IVNS1ABP: variants seen among roughly 807,000 people sequenced by gnomAD.
The protein encoded by IVNS1ABP is influenza virus NS1A-binding protein.
Under a neutral mutation model 78.9 loss-of-function variants are expected in IVNS1ABP, and 25 were observed. The observed-to-expected ratio is 0.32, with a 90% CI of 0.23 to 0.44. The LOEUF (loss-of-function observed/expected upper bound fraction) is 0.44. IVNS1ABP is among the 20% of genes least tolerant of loss of function. The pLI is 1.00. For synonymous variants in IVNS1ABP, 241 were observed against 259.7 expected (o/e 0.93, Z 0.69); for missense variants, 494 against 768.9 (o/e 0.64, Z 4.23).
intron 5 of IVNS1ABP, 109 bp downstream of exon 5, chr1:185,308,691 G>A (rs1665805743): frequency 2.6e-6 from 2 of 772,594 alleles, no homozygotes; most frequent in East Asian, 4.9e-5. Context: ...GGGAAAAAAG[G>A]GACATGTTCA....
intron 3 of IVNS1ABP, 102 bp from the exon 4 acceptor site, chr1:185,309,274 T>C: frequency 4.1e-6 from 5 of 1,231,012 alleles, no homozygotes; most frequent in Non-Finnish European, 5.6e-6. Context: ...CAGTATTCTT[T>C]TAAAAAATCA....
At chr1:185,314,538 C>T (rs962671345) in intron 1 of IVNS1ABP, among the ~76,000 whole-genome samples, 1 of 152,002 alleles carries the variant, frequency 6.6e-6, no homozygotes, top group African/African-American at 2.4e-5. Flanking sequence ...TAATAGTGGG[C>T]GAGGAAGTAA....
chr1:185,317,018 G>A lies in IVNS1ABP; in HGVS notation c.-312C>T, dbSNP rs1666053116. On this transcript the variant is annotated 5_prime_UTR_variant, in exon 1 of 15. Coordinates refer to ENST00000367498, the MANE Select transcript of IVNS1ABP (RefSeq NM_006469.5). ...GCTTCGATGGGAAGCAGGAGGAAGC[G>A]GGCGGGAATCGGCCCAACGGAAAGC... 4 of 398,842 alleles carry A rather than the reference G, an allele frequency of 1.0e-5. No homozygotes were observed. Among genetic ancestry groups the A allele is most frequent in the Admixed American group, 4.4e-5 (1 of 22,720 alleles). The allele number at this position is 398,842 out of a possible 1,614,324, so 24.7% of individuals were successfully genotyped here.
intron 1 of IVNS1ABP, among the ~76,000 whole-genome samples, chr1:185,315,516 C>G (rs1188399767): frequency 1.3e-5 from 2 of 152,172 alleles, no homozygotes; most frequent in African/African-American, 4.8e-5. Context: ...GTCAGTGGCT[C>G]AAGTTCCGTT....
Position 185,307,088 on chromosome 1 carries a change from A to G in IVNS1ABP, c.583T>C (p.Tyr195His), listed in dbSNP as rs769007217. The G allele has an allele frequency of 3.1e-6, 5 of 1,613,512 alleles. No homozygotes were observed. The highest frequency in any genetic ancestry group is 4.2e-6 in the Non-Finnish European group (5 of 1,179,502). ...TGCACCCAGTTGATTACCTTTGTAT[A>G]TAATTTGCCATTGCTGGGCAAGCAA... ...NVCLPSNGKL[Y>H]TKVINWVQRS... Residue 195 changes from tyrosine to histidine, a missense_variant, in exon 7 of 15, where the codon TAT (tyrosine) becomes CAT (histidine). Coordinates refer to ENST00000367498, the MANE Select transcript of IVNS1ABP (RefSeq NM_006469.5).
chr1:185,307,068 C>T lies in IVNS1ABP; in HGVS notation c.603G>A (p.Trp201Ter). 1 of 1,613,498 alleles carries T rather than the reference C, an allele frequency of 6.2e-7. No individual in the cohort carries two copies. Among genetic ancestry groups the T allele is most frequent in the Non-Finnish European group, 8.5e-7 (1 of 1,179,520 alleles). ...NGKLYTKVIN[W>*]VQRSIWENGD... ...CATTCTCCCAGATGCTACGCTGCAC[C>T]CAGTTGATTACCTTTGTATATAATT... Residue 201 changes from tryptophan to a stop codon, truncating the protein, a stop_gained, in exon 7 of 15, where the codon TGG becomes TGA. Coordinates refer to ENST00000367498, the MANE Select transcript of IVNS1ABP (RefSeq NM_006469.5). LOFTEE classifies it high-confidence loss of function.
At chr1:185,299,627 T>C in intron 14 of IVNS1ABP, 83 bp downstream of exon 14, 4 of 1,252,466 alleles carry the variant, frequency 3.2e-6, no homozygotes, top group Middle Eastern at 1.9e-4. Context: ...TGTACAACTA[T>C]AGTCATTGGC....
At chr1:185,307,706 A>G (rs750356839) in intron 5 of IVNS1ABP, 44 bp from the exon 6 acceptor site, 92 of 1,552,602 alleles carry the variant, frequency 5.9e-5, no homozygotes, top group Non-Finnish European at 7.9e-5. Flanking sequence ...CATATCTTTT[A>G]TTCAACAAAT....
intron 8 of IVNS1ABP, among the ~76,000 whole-genome samples, chr1:185,302,858 A>T (rs1478304213): frequency 6.6e-6 from 1 of 152,104 alleles, no homozygotes. Context: ...CCAAGGCAAT[A>T]CAACTAAAAT....
Position 185,305,620 on chromosome 1 carries a change from A to G in IVNS1ABP, c.681T>C (p.Ala227=). Residue 227 remains alanine, a synonymous_variant, in exon 8 of 15, where the codon GCT becomes GCC. Transcript: ENST00000367498. This position sits in a 1 kb window ranked among gnomAD's most constrained non-coding sequence, Gnocchi z 4.0. The part of the protein sequence containing the change: ...MEEVQTLYYS[A]DHKLLDGNLL... ...GGTTCCCATCAAGCAGCTTGTGATC[A>G]GCTGAGTAGTACAAGGTTTGAACCT... The G allele has an allele frequency of 1.2e-6, 2 of 1,613,284 alleles. No individual in the cohort carries two copies. The highest frequency in any genetic ancestry group is 1.1e-5 in the South Asian group (1 of 91,066).
intron 7 of IVNS1ABP, chr1:185,306,296 G>A (rs538281341): frequency 1.6e-5 from 5 of 304,808 alleles, no homozygotes; most frequent in East Asian, 1.3e-4. Flanking sequence ...AGGTTTAAGT[G>A]GAGAGAGAAA....
Position 185,298,275 on chromosome 1 carries a change from TACAA to T in IVNS1ABP, c.1685_1688del (p.Phe562TyrfsTer26), listed in dbSNP as rs1665475794. Reference sequence around the variant, plus strand: ...CATGAGAACCATCAAAGCCACCACATACAAACAGTTTTCCTAAAAGAGAAATGAG... The same window carrying T: ...CATGAGAACCATCAAAGCCACCACATACAGTTTTCCTAAAAGAGAAATGAG... On this transcript the variant is annotated frameshift_variant, in exon 15 of 15. Transcript: ENST00000367498. LOFTEE classifies it high-confidence loss of function. This position sits in a 1 kb window ranked among gnomAD's most constrained non-coding sequence, Gnocchi z 4.1. The T allele has an allele frequency of 1.2e-6, 2 of 1,613,070 alleles. No individual in the cohort carries two copies. The highest frequency in any genetic ancestry group is 1.7e-6 in the Non-Finnish European group (2 of 1,179,440).
At chr1:185,308,920 C>G in intron 4 of IVNS1ABP, 45 bp from the exon 5 acceptor site, 1 of 1,575,516 alleles carries the variant, frequency 6.3e-7, no homozygotes, top group East Asian at 2.2e-5. Context: ...CCTTAAAACA[C>G]ACTTAATTTA....
rs567507565 is a variant in IVNS1ABP at position 185,301,697 on chromosome 1, A to G, written c.766-134T>C. ...TTTATAGGACACTAACTTTAACTCA[A>G]GCCAACACTTTCCAAATGACACAAA... On this transcript the variant is annotated intron_variant, in intron 8 of 14. Coordinates refer to ENST00000367498, the MANE Select transcript of IVNS1ABP (RefSeq NM_006469.5). The G allele has an allele frequency of 2.9e-5, 26 of 901,094 alleles. No individual in the cohort carries two copies. In the Admixed American group the frequency reaches 6.3e-4, roughly 22 times the overall value. The allele number at this position is 901,094 out of a possible 1,614,324, so 55.8% of individuals were successfully genotyped here.
chr1:185,306,893 C>A, intron 7 of IVNS1ABP, 121 bp downstream of exon 7: 1 of 1,111,412 alleles, frequency 9.0e-7, no homozygotes, highest in Non-Finnish European at 1.3e-6. Context: ...CTTAGGGGTA[C>A]CTATAGCAAA....
intron 7 of IVNS1ABP, 29 bp downstream of exon 7, chr1:185,306,985 G>A (rs756416680): frequency 6.2e-7 from 1 of 1,604,996 alleles, no homozygotes; most frequent in Non-Finnish European, 8.5e-7. Flanking sequence ...TTTTAAAAAT[G>A]GTTGAATCCC....
intron 8 of IVNS1ABP, among the ~76,000 whole-genome samples, chr1:185,302,826 A>T (rs974994141): frequency 6.6e-6 from 1 of 152,082 alleles, no homozygotes; most frequent in Admixed American, 6.6e-5. Flanking sequence ...AAAATATTGA[A>T]ACTCAAGAAG....
Position 185,307,571 on chromosome 1 carries a change from A to G in IVNS1ABP, c.449T>C (p.Leu150Ser), listed in dbSNP as rs575691724. Residue 150 changes from leucine (L) to serine (S), a missense_variant, in exon 6 of 15, where the codon TTG (leucine) becomes TCG (serine). By Grantham distance (145) the Leu-to-Ser change is moderately radical. Coordinates refer to ENST00000367498, the MANE Select transcript of IVNS1ABP (RefSeq NM_006469.5). ...FASCMGDSRL[L>S]NKVDAYIQEH... is the part of the protein sequence containing the mutation. The stretch of plus-strand genomic sequence containing the variant: ...CTGAATATAAGCATCAACCTTATTC[A>G]ACAAACGGGAGTCTCCCATACAACT... 2 of 1,613,666 alleles carry G rather than the reference A, an allele frequency of 1.2e-6. No homozygotes were observed. Among genetic ancestry groups the G allele is most frequent in the African/African-American group, 1.3e-5 (1 of 75,032 alleles).
chr1:185,304,633 C>G (rs1056033155), intron 8 of IVNS1ABP, among the ~76,000 whole-genome samples: 1 of 152,072 alleles, frequency 6.6e-6, no homozygotes, highest in Non-Finnish European at 1.5e-5. Flanking sequence ...AAAATATATA[C>G]TATATGACCA....
Sources: gnomAD v4.1 joint callset for allele counts (sites outside exome capture counted in the v4.1 genomes callset) on GRCh38, gnomAD v4.1.1 for gene constraint, Gnocchi (gnomAD v3.1) non-coding constraint, MANE v1.5 for transcripts, NCBI Gene and HGNC (gene_info 2026-07-23, HGNC 2026-07-21) for gene names.